ENPP6: variants seen among roughly 807,000 people sequenced by gnomAD.
ENPP6 encodes the protein glycerophosphocholine cholinephosphodiesterase ENPP6.
A neutral mutation model predicts 42.0 loss-of-function variants in ENPP6; 32 were observed. The ratio of observed to expected loss-of-function variants is 0.76; its 90% confidence interval spans 0.58 to 1.02. The LOEUF (loss-of-function observed/expected upper bound fraction) is 1.02. Ranked by LOEUF, ENPP6 falls within the 50% of genes least tolerant of loss-of-function variation. The pLI, the probability that ENPP6 is intolerant of heterozygous loss-of-function variation, is 0.00. For synonymous variants in ENPP6, 213 were observed against 216.0 expected, an observed-to-expected ratio of 0.99 and a Z score of 0.12; for missense variants, 552 against 566.8, an observed-to-expected ratio of 0.97 and a Z score of 0.27.
chr4:184,160,541 C>T (rs1433303851), intron 1 of ENPP6, among the ~76,000 whole-genome samples: 1 of 152,124 alleles, frequency 6.6e-6, no homozygotes, highest in Admixed American at 6.6e-5. Context: ...CAGTTTTGCG[C>T]ATATCTGAAT....
intron 5 of ENPP6, among the ~76,000 whole-genome samples, chr4:184,114,061 G>A (rs1019214913): frequency 2.0e-5 from 3 of 151,570 alleles, no homozygotes; most frequent in Admixed American, 2.0e-4. Flanking sequence ...CGACTCCTGA[G>A]TTCAAGCAAT....
chr4:184,127,022 G>T (rs1264146855), intron 2 of ENPP6, among the ~76,000 whole-genome samples: 1 of 152,092 alleles, frequency 6.6e-6, no homozygotes, highest in Non-Finnish European at 1.5e-5. Context: ...AACAGAATCA[G>T]ATCCATAGAC....
chr4:184,175,021 A>G (rs917997205), intron 1 of ENPP6, among the ~76,000 whole-genome samples: 1 of 152,230 alleles, frequency 6.6e-6, no homozygotes, highest in African/African-American at 2.4e-5. Flanking sequence ...ATTCCTAACA[A>G]GGCGCTGGGC....
chr4:184,136,547 C>G (rs1040769347), intron 2 of ENPP6, among the ~76,000 whole-genome samples: 2 of 152,154 alleles, frequency 1.3e-5, no homozygotes, highest in African/African-American at 4.8e-5. Flanking sequence ...TTTGCTATCT[C>G]TATATTTTCT....
chr4:184,177,561 G>T (rs532679435), intron 1 of ENPP6, among the ~76,000 whole-genome samples: 1 of 152,336 alleles, frequency 6.6e-6, no homozygotes, highest in African/African-American at 2.4e-5. Context: ...CTCCTGAGCG[G>T]TTGAGACCTC....
chr4:184,211,280 A>G lies in ENPP6; in HGVS notation c.241+6299T>C, dbSNP rs543553060. ...AATAGAGACACAAAAAACCCTTCAA[A>G]AAATCAATGAATCCAGGAGCTGGTT... On this transcript the variant is annotated intron_variant, in intron 1 of 7. Transcript: ENST00000296741. Among the ~76,000 whole-genome samples the G allele has an allele frequency of 9.2e-5, 14 of 152,344 alleles. No individual in the cohort carries two copies. The South Asian group carries it at 2.9e-3, about 32-fold the overall frequency.
chr4:184,200,998 C>T (rs1173534937), intron 1 of ENPP6, among the ~76,000 whole-genome samples: 1 of 152,192 alleles, frequency 6.6e-6, no homozygotes, highest in Non-Finnish European at 1.5e-5. Flanking sequence ...TAAGGTGGCC[C>T]ACGCATCCTC....
At chr4:184,149,892 C>G (rs751277379) in intron 2 of ENPP6, among the ~76,000 whole-genome samples, 1 of 152,196 alleles carries the variant, frequency 6.6e-6, no homozygotes, top group Non-Finnish European at 1.5e-5. Context: ...TCCCTCCTTC[C>G]TCCCATAGTT....
intron 1 of ENPP6, among the ~76,000 whole-genome samples, chr4:184,208,496 C>T (rs1733039627): frequency 6.6e-6 from 1 of 152,168 alleles, no homozygotes; most frequent in Non-Finnish European, 1.5e-5. Flanking sequence ...TCTGGAAAAT[C>T]GGGTCACTCC....
chr4:184,120,845 A>G (rs1308154494), intron 3 of ENPP6, among the ~76,000 whole-genome samples: 1 of 152,102 alleles, frequency 6.6e-6, no homozygotes, highest in African/African-American at 2.4e-5. Flanking sequence ...CGCTGTCTCA[A>G]TTTCAGGGTG....
intron 1 of ENPP6, among the ~76,000 whole-genome samples, chr4:184,209,064 T>A (rs1289190555): frequency 6.8e-6 from 1 of 147,788 alleles, no homozygotes; most frequent in Admixed American, 6.8e-5. Flanking sequence ...AGAAAGGACA[T>A]CCACACCAAA....
intron 1 of ENPP6, among the ~76,000 whole-genome samples, chr4:184,192,724 T>C (rs1028904309): frequency 1.3e-5 from 2 of 152,208 alleles, no homozygotes; most frequent in African/African-American, 4.8e-5. Context: ...ATATCTAGCA[T>C]ATAGAAAGAA....
rs768644808 is a variant in ENPP6, at chr4:184,217,637, A to G, written c.183T>C (p.Asp61=). The stretch of plus-strand genomic sequence containing the variant: ...GACTAGGGAAGTCTGGAGTCAAGTA[A>G]TCCACTTTTACTCCCCTGCTCACAA... ...KEIVSRGVKV[D]YLTPDFPSLS... Residue 61 remains aspartate, a synonymous_variant, in exon 1 of 8, where the codon GAT becomes GAC. Coordinates refer to ENST00000296741, the MANE Select transcript of ENPP6 (RefSeq NM_153343.4). 6.2e-7 allele frequency: 1 copy of G among 1,614,216 alleles called. No individual in the cohort carries two copies. Among genetic ancestry groups the G allele is most frequent in the Non-Finnish European group, 8.5e-7 (1 of 1,180,038 alleles).
intron 2 of ENPP6, among the ~76,000 whole-genome samples, chr4:184,130,481 C>T (rs1560986886): frequency 1.2e-5 from 1 of 81,510 alleles, no homozygotes. Context: ...TGGCGTGAAC[C>T]CGGGAGGCGG....
chr4:184,127,595 C>T (rs4862315), intron 2 of ENPP6, among the ~76,000 whole-genome samples: 103,891 of 151,950 alleles, frequency 0.68, 35,834 homozygotes, highest in African/African-American at 0.75. Flanking sequence ...CTGCCTCTAC[C>T]AAAAATATAA....
intron 6 of ENPP6, among the ~76,000 whole-genome samples, chr4:184,108,278 G>A (rs557209980): frequency 6.6e-6 from 1 of 152,170 alleles, no homozygotes; most frequent in Non-Finnish European, 1.5e-5. Context: ...GGCTGCTTTC[G>A]GGCCGAGAGT....
chr4:184,127,745 G>A (rs1030267780), intron 2 of ENPP6, among the ~76,000 whole-genome samples: 9 of 152,130 alleles, frequency 5.9e-5, no homozygotes, highest in East Asian at 1.9e-4. Flanking sequence ...TAACAAGAGC[G>A]AAACTCCATA....
rs575580266 is a variant in ENPP6 at position 184,117,829 on chromosome 4, G to C, written c.605C>G (p.Ala202Gly). 1.2e-6 allele frequency: 2 copies of C among 1,614,250 alleles called. No homozygotes were observed. Among genetic ancestry groups the C allele is most frequent in the African/African-American group, 1.3e-5 (1 of 75,070 alleles). The change falls in exon 4 of 8, where the codon GCA (alanine) becomes GGA (glycine). Residue 202 changes from alanine (A) to glycine (G), a missense_variant. By Grantham distance (60) the Ala-to-Gly change is moderately conservative (BLOSUM62 0). This residue lies in a region of ENPP6 where 545 missense variants were observed against 546.3 expected (regional missense o/e 1.00). Coordinates refer to ENST00000296741, the MANE Select transcript of ENPP6 (RefSeq NM_153343.4). ...GAGGGCATCTTTCCTCTGCGGAGAT[G>C]CAGGCCCGTAGTGGTGGCCTTCCAC... Reference protein sequence around the residue: ...IDVEGHHYGPASPQRKDALKA... With the variant: ...IDVEGHHYGPGSPQRKDALKA...
intron 1 of ENPP6, among the ~76,000 whole-genome samples, chr4:184,207,289 G>A (rs946917383): frequency 6.6e-6 from 1 of 152,192 alleles, no homozygotes; most frequent in Non-Finnish European, 1.5e-5. Context: ...TGCTTAACCG[G>A]AAGTGTTTGA....
Sources: gnomAD v4.1 joint callset for allele counts (sites outside exome capture counted in the v4.1 genomes callset) on GRCh38, gnomAD v4.1.1 for gene constraint, gnomAD v4.1.1 regional missense constraint, MANE v1.5 for transcripts, NCBI Gene and HGNC (gene_info 2026-07-23, HGNC 2026-07-21) for gene names.